Variants in ZNF652 observed in about 807,000 individuals in gnomAD.
ZNF652 encodes the protein zinc finger protein 652.
A neutral mutation model predicts 45.2 loss-of-function variants in ZNF652; 16 were observed. The observed-to-expected ratio is 0.35, with a 90% CI of 0.24 to 0.54. ZNF652 has a LOEUF of 0.54. Ranked by LOEUF, ZNF652 falls within the 20% of genes least tolerant of loss-of-function variation. ZNF652 has a pLI of 0.91. For synonymous variants in ZNF652, 250 were observed against 260.6 expected, an observed-to-expected ratio of 0.96 and a Z score of 0.39; for missense variants, 614 against 765.6, an observed-to-expected ratio of 0.80 and a Z score of 2.34.
At position 49,328,575 on chromosome 17, in the gene ZNF652, T is replaced by G. The variant is rs577229318; in HGVS notation, c.-258-10592A>C. On this transcript the variant is annotated intron_variant, in intron 1 of 5. Transcript: ENST00000430262. ...AGTTATTTCTTGCTCTGAGTTTACA[T>G]GAGATCTGGTTAAGACTGTGGCACT... Among the ~76,000 whole-genome samples the G allele has an allele frequency of 2.0e-5, 3 of 152,294 alleles. No individual in the cohort carries two copies. In the East Asian group the frequency reaches 5.8e-4, roughly 29 times the overall value.
rs148167284 is a variant in ZNF652 at position 49,290,495 on chromosome 17, A to C, written c.*7918T>G. 18 of 152,344 alleles carry C rather than the reference A, an allele frequency of 1.2e-4. No homozygotes were observed. The East Asian group carries it at 3.3e-3, about 28-fold the overall frequency. The allele number at this position is 152,344 out of a possible 1,614,324, so 9.4% of individuals were successfully genotyped here. A position where few individuals can be genotyped will look rare whatever the true frequency, so the allele number is the denominator to read the frequency against. ...AACAGATATCTCTTTGGAGCAGAGAAGGTGAGAAGCATTTCCTTACTCATA... is the reference window on the plus strand; with the variant it reads ...AACAGATATCTCTTTGGAGCAGAGACGGTGAGAAGCATTTCCTTACTCATA... On this transcript the variant is annotated 3_prime_UTR_variant, in exon 6 of 6. Coordinates refer to ENST00000430262, the MANE Select transcript of ZNF652 (RefSeq NM_001145365.3).
intron 5 of ZNF652, among the ~76,000 whole-genome samples, chr17:49,307,740 A>G (rs1194292227): frequency 6.6e-6 from 1 of 152,206 alleles, no homozygotes; most frequent in African/African-American, 2.4e-5. Flanking sequence ...CAACAGAGCG[A>G]GACTCCATCT....
chr17:49,336,735 T>C (rs1216101265), intron 1 of ZNF652, among the ~76,000 whole-genome samples: 2 of 151,680 alleles, frequency 1.3e-5, no homozygotes, highest in Non-Finnish European at 2.9e-5. Flanking sequence ...CAAGTGATTC[T>C]CCTGCTTCAG....
intron 1 of ZNF652, among the ~76,000 whole-genome samples, chr17:49,356,738 G>A (rs981420674): frequency 1.3e-5 from 2 of 152,044 alleles, no homozygotes; most frequent in Non-Finnish European, 2.9e-5. Context: ...AATAATAAAA[G>A]AAAATAAGGA....
chr17:49,351,207 T>C (rs1457443145), intron 1 of ZNF652, among the ~76,000 whole-genome samples: 1 of 151,570 alleles, frequency 6.6e-6, no homozygotes, highest in Non-Finnish European at 1.5e-5. Flanking sequence ...ATGGCACAAA[T>C]CCCAAACTGG....
intron 3 of ZNF652, 137 bp downstream of exon 3, chr17:49,312,561 T>TGAA: frequency 2.3e-6 from 2 of 882,906 alleles, no homozygotes; most frequent in Non-Finnish European, 3.4e-6. Context: ...TGATACTTAC[T>TGAA]GAAGACATAA....
intron 2 of ZNF652, among the ~76,000 whole-genome samples, chr17:49,313,544 C>G (rs1249439485): frequency 6.6e-6 from 1 of 152,034 alleles, no homozygotes; most frequent in Non-Finnish European, 1.5e-5. Flanking sequence ...TCCTCCACAT[C>G]AGTTAGTAAG....
intron 5 of ZNF652, among the ~76,000 whole-genome samples, chr17:49,310,143 T>A (rs1031018007): frequency 2.6e-5 from 4 of 152,074 alleles, no homozygotes; most frequent in African/African-American, 9.7e-5. Context: ...TTAGTAGAGA[T>A]GGGGTTTCAC....
At chr17:49,330,637 G>C (rs781637534) in intron 1 of ZNF652, among the ~76,000 whole-genome samples, 11 of 151,964 alleles carry the variant, frequency 7.2e-5, no homozygotes, top group Non-Finnish European at 1.5e-4. Flanking sequence ...GTGTTTACAG[G>C]TGTGAGCCAC....
intron 5 of ZNF652, among the ~76,000 whole-genome samples, chr17:49,309,760 T>C (rs2069683902): frequency 6.6e-6 from 1 of 152,122 alleles, no homozygotes; most frequent in South Asian, 2.1e-4. Flanking sequence ...AAAACTGCTC[T>C]CATGACTCTT....
At chr17:49,307,650 G>T (rs369601054) in intron 5 of ZNF652, among the ~76,000 whole-genome samples, 1 of 151,626 alleles carries the variant, frequency 6.6e-6, no homozygotes, top group East Asian at 1.9e-4. Context: ...TACTCAGGAG[G>T]TTGAAGCAGG....
intron 1 of ZNF652, among the ~76,000 whole-genome samples, chr17:49,336,658 G>A (rs2143865833): frequency 6.9e-6 from 1 of 145,892 alleles, no homozygotes; most frequent in East Asian, 2.0e-4. Flanking sequence ...ACAGAGTCTT[G>A]CTCTGTCACC....
At chr17:49,334,345 G>A (rs1005978939) in intron 1 of ZNF652, among the ~76,000 whole-genome samples, 1 of 152,094 alleles carries the variant, frequency 6.6e-6, no homozygotes, top group African/African-American at 2.4e-5. Context: ...TTAGCTGGGT[G>A]TAGCGGTGCA....
At position 49,294,794 on chromosome 17, in the gene ZNF652, A is replaced by G. The variant is rs2069449614; in HGVS notation, c.*3619T>C. The G allele has an allele frequency of 1.3e-5, 2 of 152,228 alleles. No individual in the cohort carries two copies. 9.4% of individuals were successfully genotyped at this position (152,228 alleles called of 1,614,324 possible). A position where few individuals can be genotyped will look rare whatever the true frequency, so the allele number is the denominator to read the frequency against. On this transcript the variant is annotated 3_prime_UTR_variant, in exon 6 of 6. Coordinates refer to ENST00000430262, the MANE Select transcript of ZNF652 (RefSeq NM_001145365.3). Reference sequence around the variant, plus strand: ...GACAGCCTCAATTTGTTATCTATATAATGCTTAAATGCAGCCTTTGTTGTC... The same window carrying G: ...GACAGCCTCAATTTGTTATCTATATGATGCTTAAATGCAGCCTTTGTTGTC...
At chr17:49,303,693 C>G (rs1184289146) in intron 5 of ZNF652, among the ~76,000 whole-genome samples, 1 of 152,074 alleles carries the variant, frequency 6.6e-6, no homozygotes, top group Non-Finnish European at 1.5e-5. Flanking sequence ...GCCAAAGGCC[C>G]TAATCTTTGA....
intron 1 of ZNF652, among the ~76,000 whole-genome samples, chr17:49,338,153 T>C (rs894080320): frequency 4.0e-5 from 6 of 151,874 alleles, no homozygotes; most frequent in African/African-American, 1.2e-4. Context: ...TAATTTTTTT[T>C]TTTTTTTTGG....
At chr17:49,304,962 G>T (rs773749141) in intron 5 of ZNF652, among the ~76,000 whole-genome samples, 9 of 151,496 alleles carry the variant, frequency 5.9e-5, no homozygotes, top group Non-Finnish European at 1.3e-4. Context: ...AATCTTTCTT[G>T]AACTTTAAAC....
chr17:49,306,622 A>T (rs1010699501), intron 5 of ZNF652, among the ~76,000 whole-genome samples: 2 of 152,154 alleles, frequency 1.3e-5, no homozygotes, highest in Non-Finnish European at 2.9e-5. Context: ...GTGGGAGTAT[A>T]TGTGGAGGGC....
Position 49,336,323 on chromosome 17 carries a change from C to CTT in ZNF652, c.-258-18342_-258-18341dup, listed in dbSNP as rs771233496. Among the ~76,000 whole-genome samples, 489 of 123,572 alleles carry CTT rather than the reference C, an allele frequency of 4.0e-3. 7 individuals carry two copies. The highest frequency in any genetic ancestry group is 7.9e-3 in the African/African-American group (253 of 32,182). The allele number at this position is 123,572 out of a possible 152,430, so 81.1% of individuals were successfully genotyped here. On this transcript the variant is annotated intron_variant, in intron 1 of 5. Coordinates refer to ENST00000430262, the MANE Select transcript of ZNF652 (RefSeq NM_001145365.3). ...CAGGCATGAGCTGCCATGCCCAGCC[C>CTT]TTTTTTTTTTTTTTTTTGGAGACAG...
Sources: allele counts gnomAD v4.1 joint callset (sites outside exome capture counted in the v4.1 genomes callset), GRCh38; gene constraint gnomAD v4.1.1; transcripts MANE v1.5; gene names NCBI Gene and HGNC (gene_info 2026-07-23, HGNC 2026-07-21).